KLHDC4: variants seen among roughly 807,000 people sequenced by gnomAD.
KLHDC4 encodes the protein kelch domain-containing protein 4.
KLHDC4 carries 90 observed loss-of-function variants against 62.4 expected under a neutral mutation model. The observed-to-expected ratio is 1.44, with a 90% confidence interval of 1.22 to 1.72. The LOEUF is 1.72. KLHDC4 is among the 40% of genes most tolerant of loss of function. The pLI is 0.00. For synonymous variants in KLHDC4, 386 were observed against 284.4 expected (o/e 1.36, Z -3.59); for missense variants, 1,025 against 699.7 (o/e 1.47, Z -5.25).
chr16:87,755,077 G>C lies in KLHDC4; in HGVS notation c.369+117C>G, dbSNP rs147427392. On this transcript the variant is annotated intron_variant, in intron 4 of 11. Transcript: ENST00000270583. ...AAGTGAGCAAACAGCAGAACCAGGC[G>C]ATCTACAGGGCCCAGCCCCTCCGCA... 4.3e-5 allele frequency: 28 copies of C among 647,372 alleles called. 1 individual carries two copies. Among genetic ancestry groups the C allele is most frequent in the South Asian group, 1.1e-4 (6 of 54,080 alleles). The allele number at this position is 647,372 out of a possible 1,614,324, so 40.1% of individuals were successfully genotyped here.
chr16:87,703,554 G>T (rs1253363938), downstream of KLHDC4: 1 of 152,264 alleles, frequency 6.6e-6, no homozygotes, highest in Admixed American at 6.5e-5. Flanking sequence ...GTTTCTCAGG[G>T]AGTGGTTACT....
At chr16:87,755,080 C>A (rs1019797) in intron 4 of KLHDC4, 114 bp downstream of exon 4, 1 of 671,002 alleles carries the variant, frequency 1.5e-6, no homozygotes. Flanking sequence ...ACCAGGCGAT[C>A]TACAGGGCCC....
chr16:87,750,500 C>T (rs1444982304), intron 4 of KLHDC4: 1 of 152,268 alleles, frequency 6.6e-6, no homozygotes, highest in Non-Finnish European at 1.5e-5. Flanking sequence ...AGAGTTGGTT[C>T]TTTCATAAAA....
chr16:87,728,584 G>A (rs545887072), intron 6 of KLHDC4, among the ~76,000 whole-genome samples: 3 of 152,270 alleles, frequency 2.0e-5, no homozygotes, highest in Admixed American at 6.5e-5. Flanking sequence ...AGGAGGAAGG[G>A]GCTGTACAAT....
At position 87,754,965 on chromosome 16, in the gene KLHDC4, A is replaced by G. The variant is rs192855046; in HGVS notation, c.369+229T>C. 3.3e-5 allele frequency among the ~76,000 whole-genome samples: 5 copies of G among 152,246 alleles called. No individual in the cohort carries two copies. The East Asian group carries it at 5.8e-4, about 18-fold the overall frequency. ...CCAGGAACGACACGAGCTATTTTACATGGAATATTTCATGTGATCCTCATG... is the reference window on the plus strand; with the variant it reads ...CCAGGAACGACACGAGCTATTTTACGTGGAATATTTCATGTGATCCTCATG... On this transcript the variant is annotated intron_variant, in intron 4 of 11. Coordinates refer to ENST00000270583, the MANE Select transcript of KLHDC4 (RefSeq NM_017566.4).
chr16:87,754,767 G>C (rs990795605), intron 4 of KLHDC4, among the ~76,000 whole-genome samples: 1 of 152,194 alleles, frequency 6.6e-6, no homozygotes, highest in African/African-American at 2.4e-5. Flanking sequence ...AGCTAACCAC[G>C]TGCTAAGTCA....
At chr16:87,709,049 G>A (rs2035235386) in intron 10 of KLHDC4, among the ~76,000 whole-genome samples, 15 of 152,268 alleles carry the variant, frequency 9.9e-5, no homozygotes, top group Non-Finnish European at 1.5e-5. Flanking sequence ...GCTCCCGTCA[G>A]CACCCGGGAC....
At chr16:87,735,165 T>A (rs747211166) in intron 5 of KLHDC4, among the ~76,000 whole-genome samples, 11 of 151,716 alleles carry the variant, frequency 7.3e-5, no homozygotes, top group Non-Finnish European at 1.5e-4. Flanking sequence ...CCAGGCATGG[T>A]GGCGGGCGCC....
At chr16:87,719,157 G>A (rs935479351) in intron 7 of KLHDC4, among the ~76,000 whole-genome samples, 4 of 152,240 alleles carry the variant, frequency 2.6e-5, no homozygotes, top group African/African-American at 4.8e-5. Context: ...CCGCCACCCC[G>A]TCTGGGAGGA....
chr16:87,738,007 G>A (rs1392324977), intron 5 of KLHDC4, among the ~76,000 whole-genome samples: 3 of 152,166 alleles, frequency 2.0e-5, no homozygotes, highest in Non-Finnish European at 2.9e-5. Flanking sequence ...CAGCAGGGCA[G>A]GTTCTGCCTT....
intron 7 of KLHDC4, among the ~76,000 whole-genome samples, chr16:87,715,634 C>T (rs2036810433): frequency 6.6e-6 from 1 of 152,312 alleles, no homozygotes; most frequent in African/African-American, 2.4e-5. Context: ...CTGGGACTGT[C>T]TGCTGTCTTT....
chr16:87,724,464 A>G (rs1258860554), intron 7 of KLHDC4, among the ~76,000 whole-genome samples: 1 of 152,162 alleles, frequency 6.6e-6, no homozygotes, highest in Admixed American at 6.6e-5. Context: ...TAATCCACAC[A>G]CCTGAAAAGA....
chr16:87,718,527 G>A (rs553019101), intron 7 of KLHDC4, among the ~76,000 whole-genome samples: 7 of 151,634 alleles, frequency 4.6e-5, no homozygotes, highest in Non-Finnish European at 8.8e-5. Flanking sequence ...GCGCCGCCAC[G>A]CCTGACTGGT....
intron 6 of KLHDC4, among the ~76,000 whole-genome samples, chr16:87,728,323 C>T (rs932054811): frequency 5.3e-5 from 8 of 152,234 alleles, no homozygotes; most frequent in Admixed American, 2.6e-4. Flanking sequence ...CTTTAAAAGA[C>T]TGCTACAGAC....
chr16:87,747,898 C>A (rs991207148), intron 5 of KLHDC4, among the ~76,000 whole-genome samples: 1 of 152,320 alleles, frequency 6.6e-6, no homozygotes. Context: ...TGTGCGGCGG[C>A]CTCTATCCCA....
Position 87,755,209 on chromosome 16 carries a change from C to G in KLHDC4, c.354G>C (p.Arg118Ser). The change falls in exon 4 of 12, where the codon AGG (arginine) becomes AGC (serine). Residue 118 changes from arginine to serine, a missense_variant. Arg to Ser is a moderately radical substitution (Grantham distance 110, BLOSUM62 -1). Coordinates refer to ENST00000270583, the MANE Select transcript of KLHDC4 (RefSeq NM_017566.4). Reference protein sequence around the residue: ...TKVDIPSPPPRRCAHQAVVVP... With the variant: ...TKVDIPSPPPSRCAHQAVVVP... ...CTGACATTACCTGGTGAGCACAGCGCCTCGGAGGTGGACTGGGGATGTCAA... is the reference window on the plus strand; with the variant it reads ...CTGACATTACCTGGTGAGCACAGCGGCTCGGAGGTGGACTGGGGATGTCAA... 1 of 1,609,610 alleles carries G rather than the reference C, an allele frequency of 6.2e-7. No homozygotes were observed. Among genetic ancestry groups the G allele is most frequent in the South Asian group, 1.1e-5 (1 of 91,002 alleles).
intron 7 of KLHDC4, among the ~76,000 whole-genome samples, chr16:87,714,785 T>A (rs1221127818): frequency 6.6e-6 from 1 of 152,182 alleles, no homozygotes; most frequent in Non-Finnish European, 1.5e-5. Context: ...AGAGGCCACC[T>A]TTCTAATGGC....
intron 6 of KLHDC4, among the ~76,000 whole-genome samples, chr16:87,728,640 A>G (rs2039792403): frequency 6.6e-6 from 1 of 152,158 alleles, no homozygotes; most frequent in East Asian, 1.9e-4. Context: ...GCTCTGACAA[A>G]CTTATGTGTG....
At chr16:87,762,337 G>A (rs1442078404) in intron 1 of KLHDC4, among the ~76,000 whole-genome samples, 1 of 152,178 alleles carries the variant, frequency 6.6e-6, no homozygotes, top group Admixed American at 6.6e-5. Flanking sequence ...CTTCACTGCA[G>A]ACACTCTCAG....
Sources: allele counts gnomAD v4.1 joint callset (sites outside exome capture counted in the v4.1 genomes callset), GRCh38; gene constraint gnomAD v4.1.1; transcripts MANE v1.5; gene names NCBI Gene and HGNC (gene_info 2026-07-23, HGNC 2026-07-21).